Variants in SCGN observed in about 807,000 individuals in gnomAD.
SCGN encodes the protein secretagogin.
A neutral mutation model predicts 39.7 loss-of-function variants in SCGN; 30 were observed. The ratio of observed to expected loss-of-function variants is 0.76; its 90% CI spans 0.57 to 1.03. The LOEUF is 1.03. Ranked by LOEUF, SCGN falls within the 50% of genes least tolerant of loss-of-function variation. SCGN has a pLI of 0.00. For missense variants in SCGN, 353 were observed against 349.4 expected, an observed-to-expected ratio of 1.01 and a Z score of -0.08; for synonymous variants, 106 against 114.1, an observed-to-expected ratio of 0.93 and a Z score of 0.45.
intron 3 of SCGN, among the ~76,000 whole-genome samples, chr6:25,662,975 T>C (rs578033018): frequency 9.3e-4 from 141 of 152,340 alleles, no homozygotes; most frequent in African/African-American, 3.2e-3. Flanking sequence ...AGCAAATAAC[T>C]GAAAACTATG....
At chr6:25,657,058 C>T (rs12208868) in intron 2 of SCGN, among the ~76,000 whole-genome samples, 5,679 of 152,218 alleles carry the variant, frequency 0.037, 168 homozygotes, top group Non-Finnish European at 0.051. Flanking sequence ...TTGTGCTTTT[C>T]CTGTATGGTA....
In SCGN at chr6:25,659,908, G is replaced by A. The variant is rs537741262; in HGVS notation, c.154-1644G>A. Among the ~76,000 whole-genome samples the A allele has an allele frequency of 5.9e-5, 9 of 152,272 alleles. No homozygotes were observed. In the East Asian group the frequency reaches 1.7e-3, roughly 29 times the overall value. The stretch of plus-strand genomic sequence containing the variant: ...TGAAAAGATGACAGCCTGATGGGAA[G>A]AGGTGAGGACTGACAGCCCCTCCGA... On this transcript the variant is annotated intron_variant, in intron 2 of 10. Coordinates refer to ENST00000377961, the MANE Select transcript of SCGN (RefSeq NM_006998.4).
intron 10 of SCGN, among the ~76,000 whole-genome samples, chr6:25,695,454 A>G (rs1408637494): frequency 6.6e-6 from 1 of 152,116 alleles, no homozygotes; most frequent in East Asian, 1.9e-4. Flanking sequence ...TTAACATAAC[A>G]TTTACCGTCA....
intron 7 of SCGN, among the ~76,000 whole-genome samples, chr6:25,685,523 T>A (rs1170781836): frequency 2.0e-5 from 3 of 152,146 alleles, no homozygotes; most frequent in Non-Finnish European, 2.9e-5. Flanking sequence ...CTCTGAGCAT[T>A]TGGAGGAGCA....
intron 6 of SCGN, among the ~76,000 whole-genome samples, chr6:25,676,949 A>G (rs1005412296): frequency 6.6e-6 from 1 of 152,190 alleles, no homozygotes; most frequent in Non-Finnish European, 1.5e-5. Context: ...GATCTACAAA[A>G]GCTTAAACTC....
intron 10 of SCGN, among the ~76,000 whole-genome samples, chr6:25,692,824 G>A (rs1482817895): frequency 6.6e-6 from 1 of 152,094 alleles, no homozygotes; most frequent in African/African-American, 2.4e-5. Flanking sequence ...CCTCCTCTTT[G>A]GTAACCTCAT....
At chr6:25,683,007 T>C (rs1444402119) in intron 7 of SCGN, among the ~76,000 whole-genome samples, 1 of 152,182 alleles carries the variant, frequency 6.6e-6, no homozygotes, top group Non-Finnish European at 1.5e-5. Flanking sequence ...AGCCAGAATA[T>C]TGACCCCAGT....
intron 7 of SCGN, among the ~76,000 whole-genome samples, chr6:25,682,372 C>T (rs1403125872): frequency 2.0e-5 from 1 of 50,092 alleles, no homozygotes; most frequent in Non-Finnish European, 4.0e-5. Flanking sequence ...TTTCAGGACA[C>T]AGGACTACTC....
At chr6:25,683,486 G>GCTGCTCT (rs1007673735) in intron 7 of SCGN, among the ~76,000 whole-genome samples, 1 of 152,224 alleles carries the variant, frequency 6.6e-6, no homozygotes, top group Non-Finnish European at 1.5e-5. Context: ...GCTCAGAGCA[G>GCTGCTCT]CTGCTCTCTG....
At chr6:25,670,141 A>G (rs1264737888) in intron 6 of SCGN, 65 bp downstream of exon 6, 1 of 1,104,798 alleles carries the variant, frequency 9.1e-7, no homozygotes, top group East Asian at 2.4e-5. Context: ...GACCCCAGAA[A>G]CAGTGTCTGC....
chr6:25,682,508 ATGT>A, intron 7 of SCGN, among the ~76,000 whole-genome samples: 1 of 152,316 alleles, frequency 6.6e-6, no homozygotes, highest in East Asian at 1.9e-4. Flanking sequence ...GTCCATGAAA[ATGT>A]TGTCTGTGAG....
intron 6 of SCGN, among the ~76,000 whole-genome samples, chr6:25,677,528 G>GT (rs1014738872): frequency 2.6e-5 from 4 of 151,880 alleles, no homozygotes; most frequent in African/African-American, 7.3e-5. Flanking sequence ...CTCCTTTAAA[G>GT]TTTTTTTAAA....
At chr6:25,668,432 A>G (rs1041018849) in intron 4 of SCGN, among the ~76,000 whole-genome samples, 1 of 152,178 alleles carries the variant, frequency 6.6e-6, no homozygotes, top group African/African-American at 2.4e-5. Flanking sequence ...GCCTCACACT[A>G]ATAAGAGGAG....
chr6:25,663,561 T>C (rs1425126967), intron 3 of SCGN, among the ~76,000 whole-genome samples: 2 of 152,246 alleles, frequency 1.3e-5, no homozygotes, highest in African/African-American at 4.8e-5. Context: ...ATATCAATAT[T>C]ATTATCTCCA....
chr6:25,693,724 T>G (rs1391367497), intron 10 of SCGN, among the ~76,000 whole-genome samples: 3 of 152,212 alleles, frequency 2.0e-5, no homozygotes, highest in Non-Finnish European at 4.4e-5. Context: ...GCTTCCTTTC[T>G]GATTATAAAA....
At chr6:25,675,208 A>G (rs751047887) in intron 6 of SCGN, among the ~76,000 whole-genome samples, 1 of 152,228 alleles carries the variant, frequency 6.6e-6, no homozygotes, top group Non-Finnish European at 1.5e-5. Context: ...CCTTTATTTT[A>G]TGAAATGAGT....
At chr6:25,681,005 A>G (rs1759630668) in intron 6 of SCGN, among the ~76,000 whole-genome samples, 1 of 152,170 alleles carries the variant, frequency 6.6e-6, no homozygotes, top group African/African-American at 2.4e-5. Flanking sequence ...ATATGCTTAG[A>G]GATATTCTGT....
intron 2 of SCGN, among the ~76,000 whole-genome samples, chr6:25,659,403 A>G (rs1332319675): frequency 6.6e-6 from 1 of 152,222 alleles, no homozygotes; most frequent in Non-Finnish European, 1.5e-5. Context: ...TGGAAAGTGC[A>G]CTAGACCAGA....
chr6:25,695,073 T>C (rs1162923883), intron 10 of SCGN, among the ~76,000 whole-genome samples: 1 of 152,186 alleles, frequency 6.6e-6, no homozygotes, highest in Non-Finnish European at 1.5e-5. Context: ...TCTTGGACAA[T>C]CATATGATGT....
Sources: gnomAD v4.1 joint callset for allele counts (sites outside exome capture counted in the v4.1 genomes callset) on GRCh38, gnomAD v4.1.1 for gene constraint, MANE v1.5 for transcripts, NCBI Gene and HGNC (gene_info 2026-07-23, HGNC 2026-07-21) for gene names.